Variants in ARHGAP15 observed in about 807,000 individuals in gnomAD.
ARHGAP15 encodes the protein rho GTPase-activating protein 15.
A neutral mutation model predicts 63.7 loss-of-function variants in ARHGAP15; 51 were observed. That is an observed-to-expected ratio of 0.80 (90% CI 0.64 to 1.01). ARHGAP15 has a LOEUF of 1.01. Among genes scored for constraint, ARHGAP15 ranks in the 50% least tolerant of loss-of-function variants. The pLI, the probability that ARHGAP15 is intolerant of heterozygous loss-of-function variation, is 0.00. For synonymous variants in ARHGAP15, 191 were observed against 193.8 expected, an observed-to-expected ratio of 0.99 and a Z score of 0.12; for missense variants, 560 against 564.6, an observed-to-expected ratio of 0.99 and a Z score of 0.08.
At chr2:143,628,849 G>A (rs1423027441) in intron 12 of ARHGAP15, among the ~76,000 whole-genome samples, 1 of 152,112 alleles carries the variant, frequency 6.6e-6, no homozygotes, top group Non-Finnish European at 1.5e-5. Flanking sequence ...CATGTCAGTT[G>A]ATGTCATGGT....
At chr2:143,364,369 A>T (rs944112614) in intron 6 of ARHGAP15, among the ~76,000 whole-genome samples, 3 of 152,100 alleles carry the variant, frequency 2.0e-5, no homozygotes, top group African/African-American at 7.2e-5. Flanking sequence ...TCTCTCACAG[A>T]AGTAGTTTAG....
intron 13 of ARHGAP15, among the ~76,000 whole-genome samples, chr2:143,717,063 T>TTG (rs960865662): frequency 6.6e-6 from 1 of 152,276 alleles, no homozygotes; most frequent in Non-Finnish European, 1.5e-5. Context: ...TTATTAATGC[T>TTG]TGTGTGTGTG....
At chr2:143,321,992 C>T (rs930452061) in intron 6 of ARHGAP15, among the ~76,000 whole-genome samples, 3 of 152,348 alleles carry the variant, frequency 2.0e-5, no homozygotes, top group Non-Finnish European at 4.4e-5. Context: ...TAAGTAGATA[C>T]AAGCTCTAAT....
At chr2:143,286,852 C>T (rs1682129654) in intron 6 of ARHGAP15, among the ~76,000 whole-genome samples, 2 of 152,094 alleles carry the variant, frequency 1.3e-5, no homozygotes, top group Admixed American at 1.3e-4. Flanking sequence ...CTACCACATA[C>T]CTAGGTGATA....
At chr2:143,513,475 A>G (rs1311582446) in intron 9 of ARHGAP15, among the ~76,000 whole-genome samples, 1 of 152,070 alleles carries the variant, frequency 6.6e-6, no homozygotes, top group Non-Finnish European at 1.5e-5. Context: ...TTTCACCTCT[A>G]AAGTTCTTAA....
At chr2:143,224,749 C>T (rs994879424) in intron 4 of ARHGAP15, among the ~76,000 whole-genome samples, 1 of 152,136 alleles carries the variant, frequency 6.6e-6, no homozygotes, top group African/African-American at 2.4e-5. Flanking sequence ...TTGCACACTC[C>T]AGAGCTGACA....
At chr2:143,707,058 G>A (rs1684359189) in intron 13 of ARHGAP15, among the ~76,000 whole-genome samples, 1 of 152,158 alleles carries the variant, frequency 6.6e-6, no homozygotes, top group Non-Finnish European at 1.5e-5. Flanking sequence ...CAGTAAAGGG[G>A]TTAAATAATA....
intron 2 of ARHGAP15, among the ~76,000 whole-genome samples, chr2:143,182,890 G>T (rs1449991989): frequency 6.6e-6 from 1 of 152,152 alleles, no homozygotes; most frequent in Non-Finnish European, 1.5e-5. Flanking sequence ...GACCTCAGGG[G>T]AGAAAGCCCT....
chr2:143,246,182 A>G (rs758579237), intron 5 of ARHGAP15, among the ~76,000 whole-genome samples: 6 of 151,928 alleles, frequency 3.9e-5, no homozygotes. Context: ...TATGTCAAGC[A>G]CTTGGCCGCT....
intron 4 of ARHGAP15, among the ~76,000 whole-genome samples, chr2:143,222,163 G>A (rs1226933118): frequency 6.6e-6 from 1 of 152,198 alleles, no homozygotes; most frequent in African/African-American, 2.4e-5. Context: ...TAGAATATGA[G>A]ACAGAAGAAG....
intron 6 of ARHGAP15, among the ~76,000 whole-genome samples, chr2:143,426,482 T>A (rs1412795345): frequency 1.3e-5 from 2 of 152,138 alleles, no homozygotes; most frequent in African/African-American, 4.8e-5. Flanking sequence ...TTTCCTAGGT[T>A]GGTATGTTCT....
At position 143,400,707 on chromosome 2, in the gene ARHGAP15, A is replaced by G. The variant is rs75837077; in HGVS notation, c.475-34894A>G. ...TGCTGTCTACCTTTAACTTATGGAT[A>G]GGGTGTTCCGTCCTTCTTATTTAAA... On this transcript the variant is annotated intron_variant, in intron 6 of 13. Coordinates refer to ENST00000295095, the MANE Select transcript of ARHGAP15 (RefSeq NM_018460.4). 9.6e-4 allele frequency among the ~76,000 whole-genome samples: 146 copies of G among 152,126 alleles called. 3 individuals are homozygous for G. The East Asian group carries it at 0.027, about 28-fold the overall frequency.
rs1193819964 is a variant in ARHGAP15 at position 143,330,110 on chromosome 2, A to C, written c.474+79510A>C. Among the ~76,000 whole-genome samples the C allele has an allele frequency of 6.5e-4, 56 of 86,160 alleles. 4 individuals are homozygous for C. Among genetic ancestry groups the C allele is most frequent in the Admixed American group, 7.8e-4 (6 of 7,728 alleles). The allele number at this position is 86,160 out of a possible 152,430, so 56.5% of individuals were successfully genotyped here. On this transcript the variant is annotated intron_variant, in intron 6 of 13. Coordinates refer to ENST00000295095, the MANE Select transcript of ARHGAP15 (RefSeq NM_018460.4). ...GCTCTGTCTCAAAAAAAAAAAAAAA[A>C]AAAAAAAAAAAAAAAAAAAAACCAA...
chr2:143,395,402 T>A (rs1466171549), intron 6 of ARHGAP15, among the ~76,000 whole-genome samples: 1 of 152,144 alleles, frequency 6.6e-6, no homozygotes, highest in South Asian at 2.1e-4. Flanking sequence ...GATGACTTCA[T>A]GGTGTTTGTG....
intron 6 of ARHGAP15, among the ~76,000 whole-genome samples, chr2:143,278,890 G>T: frequency 6.9e-6 from 1 of 144,308 alleles, no homozygotes; most frequent in South Asian, 2.1e-4. Context: ...TTTTGGCCAG[G>T]CTACATGTAA....
chr2:143,534,739 A>G (rs1694675584), intron 10 of ARHGAP15, among the ~76,000 whole-genome samples: 1 of 151,906 alleles, frequency 6.6e-6, no homozygotes, highest in African/African-American at 2.4e-5. Flanking sequence ...AAAAATAGCC[A>G]GGCGTGGTGG....
At chr2:143,669,913 G>A (rs1380427019) in intron 12 of ARHGAP15, among the ~76,000 whole-genome samples, 1 of 152,160 alleles carries the variant, frequency 6.6e-6, no homozygotes, top group Admixed American at 6.6e-5. Context: ...CCAAGTGGAA[G>A]TCCAGTGTAT....
chr2:143,520,805 A>AC (rs1694031367), intron 10 of ARHGAP15, among the ~76,000 whole-genome samples: 1 of 152,188 alleles, frequency 6.6e-6, no homozygotes, highest in Non-Finnish European at 1.5e-5. Context: ...CAGTGTGAGC[A>AC]CTATTAGACC....
chr2:143,730,862 TCAGTC>T (rs1364464441), intron 13 of ARHGAP15, among the ~76,000 whole-genome samples: 2 of 142,046 alleles, frequency 1.4e-5, no homozygotes, highest in South Asian at 2.2e-4. Context: ...TTGTGCAATT[TCAGTC>T]CAGTCAACAC....
Sources: allele counts gnomAD v4.1 joint callset (sites outside exome capture counted in the v4.1 genomes callset), GRCh38; gene constraint gnomAD v4.1.1; transcripts MANE v1.5; gene names NCBI Gene and HGNC (gene_info 2026-07-23, HGNC 2026-07-21).